Variants in POU6F1 observed in about 807,000 individuals in gnomAD.
POU6F1 encodes the protein POU domain, class 6, transcription factor 1.
A neutral mutation model predicts 28.9 loss-of-function variants in POU6F1; 9 were observed. That is an observed-to-expected ratio of 0.31 (90% CI 0.19 to 0.54). POU6F1 has a LOEUF of 0.54. Ranked by LOEUF, POU6F1 falls within the 20% of genes least tolerant of loss-of-function variation. The pLI is 0.94. For missense variants in POU6F1, 338 were observed against 426.1 expected, an observed-to-expected ratio of 0.79 and a Z score of 1.82; for synonymous variants, 173 against 171.1, an observed-to-expected ratio of 1.01 and a Z score of -0.09.
At chr12:51,200,105 T>C (rs1187531849) in intron 3 of POU6F1, among the ~76,000 whole-genome samples, 1 of 152,048 alleles carries the variant, frequency 6.6e-6, no homozygotes, top group Non-Finnish European at 1.5e-5. Flanking sequence ...CTCTGGGAGG[T>C]AGGCCACCCC....
At chr12:51,212,026 T>A (rs1425204623) in intron 1 of POU6F1, among the ~76,000 whole-genome samples, 11 of 152,070 alleles carry the variant, frequency 7.2e-5, no homozygotes, top group Admixed American at 4.6e-4. Context: ...TAGTCTGAGA[T>A]CCTATTAGAA....
intron 3 of POU6F1, among the ~76,000 whole-genome samples, chr12:51,203,480 C>T (rs1943363126): frequency 1.3e-5 from 2 of 152,152 alleles, no homozygotes; most frequent in Admixed American, 6.6e-5. Context: ...ATGGTCATGT[C>T]TCTTGTCATT....
chr12:51,195,868 A>AG, intron 8 of POU6F1, 102 bp downstream of exon 8: 1 of 1,319,328 alleles, frequency 7.6e-7, no homozygotes, highest in Non-Finnish European at 1.0e-6. Context: ...CTGCACTCCC[A>AG]GGAGTTTCAG....
At chr12:51,192,003 C>T (rs1942448552) in intron 9 of POU6F1, among the ~76,000 whole-genome samples, 1 of 152,184 alleles carries the variant, frequency 6.6e-6, no homozygotes, top group Admixed American at 6.5e-5. Flanking sequence ...AACTGCTCAC[C>T]CTCCCCCATT....
intron 2 of POU6F1, among the ~76,000 whole-genome samples, chr12:51,206,487 A>G (rs1269944579): frequency 2.0e-5 from 3 of 152,132 alleles, no homozygotes; most frequent in Non-Finnish European, 4.4e-5. Flanking sequence ...AAAAAAAAAA[A>G]AAATTAGAAA....
At chr12:51,216,937 C>T (rs1944317896) in intron 1 of POU6F1, among the ~76,000 whole-genome samples, 1 of 152,172 alleles carries the variant, frequency 6.6e-6, no homozygotes, top group South Asian at 2.1e-4. Context: ...GCTGGGAGCT[C>T]CCTTGGCCTT....
At chr12:51,210,744 C>T (rs551246588) in intron 1 of POU6F1, among the ~76,000 whole-genome samples, 4 of 152,292 alleles carry the variant, frequency 2.6e-5, no homozygotes, top group African/African-American at 9.6e-5. Context: ...TCTAGCCACA[C>T]CTAAGCCCAC....
At chr12:51,207,092 G>C (rs1943679884) in intron 1 of POU6F1, 1 of 286,960 alleles carries the variant, frequency 3.5e-6, no homozygotes, top group Non-Finnish European at 6.4e-6. Flanking sequence ...GGCACGATCT[G>C]TGCTCACTGC....
chr12:51,196,192 G>A lies in POU6F1; in HGVS notation c.976-19C>T, dbSNP rs887574866. The A allele has an allele frequency of 6.8e-7, 1 of 1,481,074 alleles. No individual in the cohort carries two copies. The allele number at this position is 1,481,074 out of a possible 1,614,324, so 91.7% of individuals were successfully genotyped here. On this transcript the variant is annotated intron_variant, in intron 7 of 10. Coordinates refer to ENST00000333640, the MANE Select transcript of POU6F1 (RefSeq NM_001330422.2). Reference sequence around the variant, plus strand: ...CAATAACCTGGGAGGAAATAAGGCAGGGACCCCAGGTGTGAGGGTAGCATC... The same window carrying A: ...CAATAACCTGGGAGGAAATAAGGCAAGGACCCCAGGTGTGAGGGTAGCATC...
In POU6F1 at chr12:51,199,682, G is replaced by C; in HGVS notation, c.366+65C>G. ...TTCCCAGATTCCATGGCTTCCCCAT[G>C]CTGGCTGTCCCATGCCTCGCTCCTG... On this transcript the variant is annotated intron_variant, in intron 4 of 10. Coordinates refer to ENST00000333640, the MANE Select transcript of POU6F1 (RefSeq NM_001330422.2). The surrounding 1 kb of genome is among the most constrained non-coding windows in gnomAD (Gnocchi z 4.1). 1 of 399,130 alleles carries C rather than the reference G, an allele frequency of 2.5e-6. No homozygotes were observed. The highest frequency in any genetic ancestry group is 4.4e-6 in the Non-Finnish European group (1 of 226,188). The allele number at this position is 399,130 out of a possible 1,614,324, so 24.7% of individuals were successfully genotyped here. A position where few individuals can be genotyped will look rare whatever the true frequency, so the allele number is the denominator to read the frequency against.
intron 1 of POU6F1, among the ~76,000 whole-genome samples, chr12:51,209,931 C>A (rs1222109032): frequency 3.3e-5 from 5 of 152,160 alleles, no homozygotes; most frequent in Admixed American, 2.6e-4. Context: ...GGGGCTCTAG[C>A]CTCCTTCTTA....
chr12:51,196,768 C>G, intron 7 of POU6F1, 31 bp downstream of exon 7: 2 of 1,613,042 alleles, frequency 1.2e-6, no homozygotes, highest in Non-Finnish European at 1.7e-6. Context: ...TCCACAGTCC[C>G]CACCCTCCAG....
At chr12:51,211,167 C>A (rs537960438) in intron 1 of POU6F1, among the ~76,000 whole-genome samples, 223 of 152,320 alleles carry the variant, frequency 1.5e-3, no homozygotes, top group Middle Eastern at 0.01. Flanking sequence ...CTGTGCAGTG[C>A]CCACAGCCTG....
chr12:51,189,891 C>G lies in POU6F1; in HGVS notation c.*356G>C. On this transcript the variant is annotated 3_prime_UTR_variant, in exon 11 of 11. Transcript: ENST00000333640. Reference sequence around the variant, plus strand: ...AAGCAAGAGCTAATGGCCAGTGGTCCTTAGGAGCTGCTTTAGCCCTGCCCC... The same window carrying G: ...AAGCAAGAGCTAATGGCCAGTGGTCGTTAGGAGCTGCTTTAGCCCTGCCCC... 2 of 274,026 alleles carry G rather than the reference C, an allele frequency of 7.3e-6. No individual in the cohort carries two copies. Among genetic ancestry groups the G allele is most frequent in the Non-Finnish European group, 7.1e-6 (1 of 141,784 alleles). The allele number at this position is 274,026 out of a possible 1,614,324, so 17.0% of individuals were successfully genotyped here.
chr12:51,195,356 G>A (rs1444085023), intron 8 of POU6F1, among the ~76,000 whole-genome samples: 1 of 152,100 alleles, frequency 6.6e-6, no homozygotes, highest in Non-Finnish European at 1.5e-5. Context: ...TAACCCCCAA[G>A]TTTGTCAAGA....
chr12:51,204,023 G>C, intron 3 of POU6F1, 150 bp downstream of exon 3: 1 of 397,402 alleles, frequency 2.5e-6, no homozygotes, highest in East Asian at 3.6e-5. Context: ...AGCCCTCGCA[G>C]CTGACCAGAG....
At position 51,192,294 on chromosome 12, in the gene POU6F1, C is replaced by T. The variant is rs779499841; in HGVS notation, c.1321+36G>A. On this transcript the variant is annotated intron_variant, in intron 9 of 10. Coordinates refer to ENST00000333640, the MANE Select transcript of POU6F1 (RefSeq NM_001330422.2). ...ATTGGGTGCCCACATAAATGCCTCC[C>T]CACTTCTCCACACTACTTCTCCAGG... 4 of 1,608,122 alleles carry T rather than the reference C, an allele frequency of 2.5e-6. No homozygotes were observed. The Admixed American group carries it at 6.7e-5, about 27-fold the overall frequency.
intron 2 of POU6F1, among the ~76,000 whole-genome samples, chr12:51,206,287 G>A (rs1382330388): frequency 2.6e-5 from 4 of 151,096 alleles, no homozygotes; most frequent in African/African-American, 7.3e-5. Flanking sequence ...GCCGGGTGTG[G>A]TGGTGGGTGC....
At chr12:51,208,570 G>C (rs75073150) in intron 1 of POU6F1, among the ~76,000 whole-genome samples, 13,625 of 152,026 alleles carry the variant, frequency 0.09, 810 homozygotes, top group East Asian at 0.29. Context: ...GTCCTTCCCC[G>C]CAAATTCATG....
Sources: gnomAD v4.1 joint callset for allele counts (sites outside exome capture counted in the v4.1 genomes callset) on GRCh38, gnomAD v4.1.1 for gene constraint, Gnocchi (gnomAD v3.1) non-coding constraint, MANE v1.5 for transcripts, NCBI Gene and HGNC (gene_info 2026-07-23, HGNC 2026-07-21) for gene names.